The following TMEM200A variants were observed in gnomAD, a reference collection of about 807,000 sequenced individuals.
TMEM200A encodes transmembrane protein 200A.
A neutral mutation model predicts 24.3 loss-of-function variants in TMEM200A; 12 were observed. That is an observed-to-expected ratio of 0.49 (90% CI 0.32 to 0.80). The LOEUF (loss-of-function observed/expected upper bound fraction) is 0.80. Among genes scored for constraint, TMEM200A ranks in the 30% least tolerant of loss-of-function variants. The pLI is 0.04. For synonymous variants in TMEM200A, 224 were observed against 224.4 expected, an observed-to-expected ratio of 1.00 and a Z score of 0.02; for missense variants, 545 against 614.4, an observed-to-expected ratio of 0.89 and a Z score of 1.19.
chr6:130,421,588 A>G (rs376779626), intron 2 of TMEM200A, among the ~76,000 whole-genome samples: 1 of 151,996 alleles, frequency 6.6e-6, no homozygotes, highest in East Asian at 1.9e-4. Context: ...AATTTTAAAT[A>G]TGTAACATAG....
intron 2 of TMEM200A, among the ~76,000 whole-genome samples, chr6:130,436,265 G>A (rs1343416711): frequency 6.6e-6 from 1 of 152,026 alleles, no homozygotes; most frequent in African/African-American, 2.4e-5. Flanking sequence ...GAGAACAAAT[G>A]TTTTTGTACT....
chr6:130,441,199 A>G lies in TMEM200A; in HGVS notation c.777A>G (p.Pro259=). 5.6e-6 allele frequency: 9 copies of G among 1,613,898 alleles called. No individual in the cohort carries two copies. Among genetic ancestry groups the G allele is most frequent in the Non-Finnish European group, 7.6e-6 (9 of 1,179,934 alleles). ...CTGTGTCTGTCTTTGGCCTCTATCC[A>G]CCTCCTTCCAAGACAACTGATGATA... The part of the protein sequence containing the change: ...DSSVSVFGLY[P]PPSKTTDDKT... The change falls in exon 3 of 3, where the codon CCA becomes CCG. Residue 259 remains proline (P), a synonymous_variant. Coordinates refer to ENST00000296978, the MANE Select transcript of TMEM200A (RefSeq NM_001258277.2).
rs139447559 is a variant in TMEM200A, at chr6:130,375,647, A to G, written c.-81+9123A>G. 7.1e-3 allele frequency among the ~76,000 whole-genome samples: 1,083 copies of G among 152,330 alleles called. 11 individuals carry two copies. The highest frequency in any genetic ancestry group is 0.017 in the Middle Eastern group (5 of 294). On this transcript the variant is annotated intron_variant, in intron 1 of 2. Coordinates refer to ENST00000296978, the MANE Select transcript of TMEM200A (RefSeq NM_001258277.2). ...GTCAAGGAAGACCTCTCTGCATTTG[A>G]GGCATTTAAGCTACAACCTGCGAGA...
chr6:130,441,036 T>C lies in TMEM200A; in HGVS notation c.614T>C (p.Leu205Ser). The change falls in exon 3 of 3, where the codon TTG (leucine) becomes TCG (serine). Residue 205 changes from leucine (L) to serine (S), a missense_variant. By Grantham distance (145) the Leu-to-Ser change is moderately radical. Transcript: ENST00000296978. ...AATGGGAGCTCCTGTGCCTCGAGATTGGCAGCAAATACGATCGCCTCTTTC... is the reference window on the plus strand; with the variant it reads ...AATGGGAGCTCCTGTGCCTCGAGATCGGCAGCAAATACGATCGCCTCTTTC... ...KQNGSSCASR[L>S]AANTIASFSG... 1 of 1,613,908 alleles carries C rather than the reference T, an allele frequency of 6.2e-7. No homozygotes were observed. Among genetic ancestry groups the C allele is most frequent in the East Asian group, 2.2e-5 (1 of 44,776 alleles).
chr6:130,418,748 C>T (rs1779513697), intron 2 of TMEM200A, among the ~76,000 whole-genome samples: 1 of 152,042 alleles, frequency 6.6e-6, no homozygotes, highest in African/African-American at 2.4e-5. Context: ...GGGCAATATG[C>T]TTAACCTCTT....
At chr6:130,414,954 A>G (rs183136684) in intron 2 of TMEM200A, among the ~76,000 whole-genome samples, 1 of 152,256 alleles carries the variant, frequency 6.6e-6, no homozygotes, top group Admixed American at 6.5e-5. Context: ...TGAACTTCCA[A>G]ACCCACCTTT....
chr6:130,434,993 G>A (rs530864117), intron 2 of TMEM200A, among the ~76,000 whole-genome samples: 1 of 151,924 alleles, frequency 6.6e-6, no homozygotes, highest in South Asian at 2.1e-4. Flanking sequence ...TGAATTTCAA[G>A]CTGGTAATCT....
rs560032199 is a variant in TMEM200A, at chr6:130,366,440, CG to C, written c.-164del. The C allele has an allele frequency of 1.9e-4, 183 of 985,564 alleles. 3 individuals are homozygous for C. In the South Asian group the frequency reaches 7.5e-3, roughly 40 times the overall value. 61.1% of individuals were successfully genotyped at this position (985,564 alleles called of 1,614,324 possible). On this transcript the variant is annotated 5_prime_UTR_variant, in exon 1 of 3. Coordinates refer to ENST00000296978, the MANE Select transcript of TMEM200A (RefSeq NM_001258277.2). The surrounding 1 kb of genome is among the most constrained non-coding windows in gnomAD (Gnocchi z 4.4). ...TTCTTCGTCCGCCTCCAGAGGCGCC[CG>C]ACGTCCCGACAGCTCCTGGAGTGAG...
intron 2 of TMEM200A, among the ~76,000 whole-genome samples, chr6:130,435,951 T>A (rs899870671): frequency 6.6e-6 from 1 of 152,212 alleles, no homozygotes; most frequent in Non-Finnish European, 1.5e-5. Context: ...TTCAAACTTA[T>A]GTACTCCCCA....
At chr6:130,368,672 CT>C (rs1193827448) in intron 1 of TMEM200A, among the ~76,000 whole-genome samples, 1 of 152,118 alleles carries the variant, frequency 6.6e-6, no homozygotes, top group East Asian at 1.9e-4. Flanking sequence ...CCTTCCAGGC[CT>C]TTTCTATGGG....
At chr6:130,369,709 G>A (rs1408595502) in intron 1 of TMEM200A, among the ~76,000 whole-genome samples, 1 of 152,222 alleles carries the variant, frequency 6.6e-6, no homozygotes, top group African/African-American at 2.4e-5. Flanking sequence ...TGGGGCCACT[G>A]TATCATTAAT....
rs531700441 is a variant in TMEM200A, at chr6:130,426,405, C to T, written c.-16-14002C>T. On this transcript the variant is annotated intron_variant, in intron 2 of 2. Coordinates refer to ENST00000296978, the MANE Select transcript of TMEM200A (RefSeq NM_001258277.2). ...TAAATAAAATTCAGTCTCGCTTCATCATCTTTATGAGGAGATGAATGTAAA... is the reference window on the plus strand; with the variant it reads ...TAAATAAAATTCAGTCTCGCTTCATTATCTTTATGAGGAGATGAATGTAAA... 5.7e-3 allele frequency among the ~76,000 whole-genome samples: 863 copies of T among 151,786 alleles called. 15 individuals are homozygous for T. Among genetic ancestry groups the T allele is most frequent in the African/African-American group, 0.018 (749 of 41,364 alleles).
At position 130,405,396 on chromosome 6, in the gene TMEM200A, T is replaced by C. The variant is rs138937295; in HGVS notation, c.-17+20160T>C. Among the ~76,000 whole-genome samples, 13 of 152,250 alleles carry C rather than the reference T, an allele frequency of 8.5e-5. No individual in the cohort carries two copies. In the East Asian group the frequency reaches 2.5e-3, roughly 29 times the overall value. On this transcript the variant is annotated intron_variant, in intron 2 of 2. Transcript: ENST00000296978. ...CTCCCTAGTTAGCCGTATTCCTGGG[T>C]ATTTTATTTTTTTTTGTGGCAACTA...
intron 2 of TMEM200A, among the ~76,000 whole-genome samples, chr6:130,420,807 T>C (rs1779564471): frequency 6.6e-6 from 1 of 151,930 alleles, no homozygotes; most frequent in Non-Finnish European, 1.5e-5. Context: ...CAAGGGGACG[T>C]TTTCTCAGTG....
At chr6:130,405,737 G>T (rs2115145655) in intron 2 of TMEM200A, among the ~76,000 whole-genome samples, 1 of 152,282 alleles carries the variant, frequency 6.6e-6, no homozygotes, top group East Asian at 1.9e-4. Flanking sequence ...GCCCTCTTGT[G>T]CACACCTGGT....
intron 2 of TMEM200A, among the ~76,000 whole-genome samples, chr6:130,394,476 G>C (rs1449320271): frequency 1.3e-5 from 2 of 152,146 alleles, no homozygotes; most frequent in African/African-American, 4.8e-5. Flanking sequence ...TTTGGCAGAG[G>C]CTCGAATATT....
intron 2 of TMEM200A, among the ~76,000 whole-genome samples, chr6:130,388,894 C>T (rs1778772355): frequency 6.6e-6 from 1 of 152,126 alleles, no homozygotes; most frequent in South Asian, 2.1e-4. Context: ...ATAATTTTAA[C>T]ACTAATTAGT....
At chr6:130,373,296 C>T (rs951833446) in intron 1 of TMEM200A, among the ~76,000 whole-genome samples, 4 of 152,092 alleles carry the variant, frequency 2.6e-5, no homozygotes, top group Non-Finnish European at 5.9e-5. Context: ...ATCATAAAGG[C>T]GATACACACT....
In TMEM200A at chr6:130,391,904, G is replaced by A. The variant is rs561800441; in HGVS notation, c.-17+6668G>A. Among the ~76,000 whole-genome samples the A allele has an allele frequency of 4.6e-5, 7 of 151,946 alleles. No homozygotes were observed. The South Asian group carries it at 6.2e-4, about 14-fold the overall frequency. On this transcript the variant is annotated intron_variant, in intron 2 of 2. Transcript: ENST00000296978. ...ATAACGGGTGCCCGCCACCATGCCC[G>A]GCTAATTTTTTGTATTTTTTAGTAG...
Sources: allele counts gnomAD v4.1 joint callset (sites outside exome capture counted in the v4.1 genomes callset), GRCh38; gene constraint gnomAD v4.1.1; non-coding constraint Gnocchi (gnomAD v3.1); transcripts MANE v1.5; gene names NCBI Gene and HGNC (gene_info 2026-07-23, HGNC 2026-07-21).